Variants in MAST4 observed in about 807,000 individuals in gnomAD.
MAST4 encodes the protein microtubule associated serine/threonine kinase family member 4.
Under a neutral mutation model 162.7 loss-of-function variants are expected in MAST4, and 89 were observed. The observed-to-expected ratio is 0.55, with a 90% confidence interval of 0.46 to 0.65. The LOEUF is 0.65. Among genes scored for constraint, MAST4 ranks in the 30% least tolerant of loss-of-function variants. The pLI, the probability that MAST4 is intolerant of heterozygous loss-of-function variation, is 0.00. For missense variants in MAST4, 3,153 were observed against 3,374.0 expected (o/e 0.93, Z 1.62); for synonymous variants, 1,479 against 1,361.1 (o/e 1.09, Z -1.91).
At chr5:66,741,269 G>C (rs1485330543) in intron 1 of MAST4, among the ~76,000 whole-genome samples, 1 of 152,138 alleles carries the variant, frequency 6.6e-6, no homozygotes, top group Non-Finnish European at 1.5e-5. Flanking sequence ...CGCATCTCCT[G>C]CTTTCTTCTT....
intron 5 of MAST4, among the ~76,000 whole-genome samples, chr5:67,061,526 A>G (rs982253402): frequency 2.0e-5 from 3 of 148,946 alleles, no homozygotes; most frequent in African/African-American, 7.4e-5. Flanking sequence ...TTTTTTTTTT[A>G]CTAATAGAAG....
In MAST4 at chr5:67,164,995, C is replaced by G. The variant is rs558621730; in HGVS notation, c.5816C>G (p.Thr1939Ser). 3.1e-6 allele frequency: 5 copies of G among 1,613,834 alleles called. No homozygotes were observed. In the African/African-American group the frequency reaches 6.7e-5, roughly 22 times the overall value. Reference sequence around the variant, plus strand: ...CACACCACTGACCCCAAGCTTCTGACCTGCCTGGGGCAGAACCTCCACAGC... The same window carrying G: ...CACACCACTGACCCCAAGCTTCTGAGCTGCCTGGGGCAGAACCTCCACAGC... ...QDHTTDPKLL[T>S]CLGQNLHSPD... is the part of the protein sequence containing the mutation. Residue 1939 changes from threonine to serine, a missense_variant, in exon 29 of 29, where the codon ACC (threonine) becomes AGC (serine). By Grantham distance (58) the Thr-to-Ser change is moderately conservative. Around this residue, in one of 7 missense-constraint regions of MAST4, gnomAD observed 1,644 missense variants for 1,495.0 expected, o/e 1.10. Transcript: ENST00000403625. The surrounding 1 kb of genome is among the most constrained non-coding windows in gnomAD (Gnocchi z 5.3).
chr5:66,915,473 A>T (rs1272589670), intron 4 of MAST4, among the ~76,000 whole-genome samples: 1 of 152,162 alleles, frequency 6.6e-6, no homozygotes, highest in Non-Finnish European at 1.5e-5. Context: ...AAGCTAGTTT[A>T]AAAAAAGAAT....
chr5:66,870,630 T>C (rs1580717266), intron 3 of MAST4: 1 of 355,322 alleles, frequency 2.8e-6, no homozygotes, highest in East Asian at 7.5e-5. Context: ...ACGTGTCTTG[T>C]GTTTTTGTTA....
At chr5:66,822,161 C>T (rs575019764) in intron 3 of MAST4, among the ~76,000 whole-genome samples, 3 of 152,222 alleles carry the variant, frequency 2.0e-5, no homozygotes, top group Non-Finnish European at 4.4e-5. Flanking sequence ...GACTGGCTCT[C>T]AGCACCTGGT....
intron 3 of MAST4, among the ~76,000 whole-genome samples, chr5:66,795,554 T>A (rs979727925): frequency 1.3e-5 from 2 of 152,248 alleles, no homozygotes; most frequent in Non-Finnish European, 2.9e-5. Context: ...CAGTCAATAG[T>A]GTTATCTTTA....
chr5:66,955,925 C>A (rs1213248656), intron 4 of MAST4, among the ~76,000 whole-genome samples: 2 of 151,382 alleles, frequency 1.3e-5, no homozygotes, highest in African/African-American at 4.8e-5. Flanking sequence ...GATATCAGGA[C>A]CCATTAAAAA....
At chr5:66,959,779 G>A (rs538915752) in intron 4 of MAST4, among the ~76,000 whole-genome samples, 1 of 152,018 alleles carries the variant, frequency 6.6e-6, no homozygotes, top group Non-Finnish European at 1.5e-5. Flanking sequence ...ATGAACTGTG[G>A]TACATTTAGA....
At chr5:67,093,870 A>G (rs1764132018) in intron 6 of MAST4, among the ~76,000 whole-genome samples, 1 of 152,206 alleles carries the variant, frequency 6.6e-6, no homozygotes, top group African/African-American at 2.4e-5. Flanking sequence ...TACTTTATCA[A>G]ATTGGAGGTG....
intron 1 of MAST4, among the ~76,000 whole-genome samples, chr5:66,718,234 CTA>C (rs1157195274): frequency 1.4e-5 from 2 of 144,912 alleles, no homozygotes; most frequent in East Asian, 4.0e-4. Context: ...GAGAGGGACT[CTA>C]TTTGAAGGTT....
intron 1 of MAST4, among the ~76,000 whole-genome samples, chr5:66,736,685 T>C (rs1161729157): frequency 6.6e-6 from 1 of 152,230 alleles, no homozygotes; most frequent in Non-Finnish European, 1.5e-5. Context: ...TTAACAGTGG[T>C]CTATTCTTTT....
At position 67,123,138 on chromosome 5, in the gene MAST4, C is replaced by T. The variant is rs537318776; in HGVS notation, c.1745+2036C>T. On this transcript the variant is annotated intron_variant, in intron 14 of 28. Transcript: ENST00000403625. ...TCCCGCCACGGGTGGCTGAACTGGC[C>T]CTTCTAGAAGCTTTCTTAGGTATCC... 1.2e-3 allele frequency among the ~76,000 whole-genome samples: 177 copies of T among 152,242 alleles called. 1 individual carries two copies. The highest frequency in any genetic ancestry group is 4.0e-3 in the African/African-American group (167 of 41,544).
chr5:67,138,764 G>T (rs1769997110), intron 19 of MAST4, among the ~76,000 whole-genome samples: 1 of 152,164 alleles, frequency 6.6e-6, no homozygotes, highest in Non-Finnish European at 1.5e-5. Flanking sequence ...CCTGTTACCT[G>T]AGGTCAGGTG....
chr5:66,774,737 A>C lies in MAST4; in HGVS notation c.518-13933A>C, dbSNP rs966577878. 2.0e-5 allele frequency among the ~76,000 whole-genome samples: 3 copies of C among 152,236 alleles called. No individual in the cohort carries two copies. The East Asian group carries it at 5.8e-4, about 29-fold the overall frequency. On this transcript the variant is annotated intron_variant, in intron 2 of 28. Transcript: ENST00000403625. Reference sequence around the variant, plus strand: ...AGATAAAATATGGGGTATCCAATTAAATTTTAATTCAGATAAGCAACTAAT... The same window carrying C: ...AGATAAAATATGGGGTATCCAATTACATTTTAATTCAGATAAGCAACTAAT...
chr5:66,863,061 G>C (rs1201317199), intron 3 of MAST4, among the ~76,000 whole-genome samples: 3 of 152,204 alleles, frequency 2.0e-5, no homozygotes, highest in Non-Finnish European at 4.4e-5. Flanking sequence ...TTCAAAGTAA[G>C]AATTGCATCA....
intron 1 of MAST4, among the ~76,000 whole-genome samples, chr5:66,614,710 C>T (rs1199990570): frequency 1.3e-5 from 2 of 151,706 alleles, no homozygotes; most frequent in Non-Finnish European, 2.9e-5. Context: ...CCAAAAAGAG[C>T]CAAAAAGACA....
chr5:67,133,729 A>C, intron 17 of MAST4, 83 bp downstream of exon 17: 2 of 1,445,526 alleles, frequency 1.4e-6, no homozygotes, highest in Non-Finnish European at 1.9e-6. Context: ...TGTGTGGGCC[A>C]TCTTCACATT....
chr5:66,648,274 CAAG>C (rs1256064469), intron 1 of MAST4, among the ~76,000 whole-genome samples: 12 of 151,830 alleles, frequency 7.9e-5, no homozygotes, highest in Non-Finnish European at 1.6e-4. Flanking sequence ...ATGATTAGAA[CAAG>C]AAGATTTGGG....
At chr5:66,789,689 T>C (rs755189343) in intron 3 of MAST4, 1 of 517,984 alleles carries the variant, frequency 1.9e-6, no homozygotes, top group East Asian at 5.4e-5. Flanking sequence ...GTGATGTTAA[T>C]TGTGATCATC....
Sources: gnomAD v4.1 joint callset for allele counts (sites outside exome capture counted in the v4.1 genomes callset) on GRCh38, gnomAD v4.1.1 for gene constraint, gnomAD v4.1.1 regional missense constraint, Gnocchi (gnomAD v3.1) non-coding constraint, MANE v1.5 for transcripts, NCBI Gene and HGNC (gene_info 2026-07-23, HGNC 2026-07-21) for gene names.